The following CTPS2 variants were observed in gnomAD, a reference collection of about 807,000 sequenced individuals.
The protein encoded by CTPS2 is CTP synthase 2.
CTPS2 carries 19 observed loss-of-function variants against 46.8 expected under a neutral mutation model. That is an observed-to-expected ratio of 0.41 (90% confidence interval 0.28 to 0.60). The LOEUF (loss-of-function observed/expected upper bound fraction) is 0.60, where lower values mean the gene tolerates loss of function less well. Ranked by LOEUF, CTPS2 falls within the 20% of genes least tolerant of loss-of-function variation. The probability of loss-of-function intolerance (pLI) is 0.35; values close to 1 mark genes in which losing one functional copy is unlikely to be tolerated. For missense variants in CTPS2, 286 were observed against 447.6 expected (o/e 0.64, Z 3.26); for synonymous variants, 151 against 165.2 (o/e 0.91, Z 0.66).
intron 10 of CTPS2, among the ~76,000 whole-genome samples, chrX:16,674,567 G>A (rs1170929054): frequency 1.8e-5 from 2 of 111,100 alleles, no homozygotes; most frequent in Admixed American, 1.9e-4. Context: ...GGCCGGGCAT[G>A]GTGGCTCACA....
At chrX:16,693,573 A>C in intron 4 of CTPS2, 86 bp from the exon 5 acceptor site, 1 of 603,019 alleles carries the variant, frequency 1.7e-6, no homozygotes, top group Non-Finnish European at 2.7e-6. Flanking sequence ...TTCTTAATAA[A>C]CCGAGCATGA....
chrX:16,699,275 C>A (rs1245209969), intron 2 of CTPS2, among the ~76,000 whole-genome samples, 182 bp from the exon 3 acceptor site: 1 of 111,320 alleles, frequency 9.0e-6, no homozygotes, highest in Admixed American at 9.7e-5. Flanking sequence ...TCAGAAAATT[C>A]TATTTATAAT....
intron 13 of CTPS2, among the ~76,000 whole-genome samples, chrX:16,642,427 C>T (rs73448299): frequency 0.012 from 1,322 of 111,601 alleles, 27 homozygotes; most frequent in African/African-American, 0.041. Flanking sequence ...ACAGGCAAGT[C>T]GCTGATGGAG....
At chrX:16,643,513 A>C (rs951588321) in intron 13 of CTPS2, among the ~76,000 whole-genome samples, 6 of 111,243 alleles carry the variant, frequency 5.4e-5, no homozygotes, top group African/African-American at 2.0e-4. Context: ...GGCCTCCTCT[A>C]GTATTCTTTA....
intron 4 of CTPS2, among the ~76,000 whole-genome samples, chrX:16,694,037 A>G (rs1923914737): frequency 9.1e-6 from 1 of 109,986 alleles, no homozygotes; most frequent in Non-Finnish European, 1.9e-5. Context: ...GGTGGGGCAC[A>G]CCTGTAGTCC....
intron 13 of CTPS2, among the ~76,000 whole-genome samples, chrX:16,660,786 G>C (rs1932928471): frequency 9.0e-6 from 1 of 110,922 alleles, no homozygotes; most frequent in Non-Finnish European, 1.9e-5. Context: ...TTAGATTACA[G>C]GTGTGAGCCA....
intron 1 of CTPS2, among the ~76,000 whole-genome samples, chrX:16,711,328 T>C (rs1925450950): frequency 8.9e-6 from 1 of 111,874 alleles, no homozygotes; most frequent in Non-Finnish European, 1.9e-5. Context: ...ATCAGGTGCC[T>C]GTACTCAGAG....
rs762073043 is a variant in CTPS2, at chrX:16,645,144, G to A, written c.1297-5901C>T. Among the ~76,000 whole-genome samples the A allele has an allele frequency of 1.9e-4, 21 of 108,586 alleles. No homozygotes were observed. In the South Asian group the frequency reaches 6.7e-3, roughly 35 times the overall value. 94.3% of individuals were successfully genotyped at this position (108,586 alleles called of 115,157 possible). On this transcript the variant is annotated intron_variant, in intron 13 of 18. Transcript: ENST00000359276. The stretch of plus-strand genomic sequence containing the variant: ...ACTACAGGCGCCCGCCACCATGCCC[G>A]GCTAACTTTTTTTTTTTTTTTTGTA...
intron 1 of CTPS2, among the ~76,000 whole-genome samples, chrX:16,704,401 A>G (rs1924832150): frequency 8.9e-6 from 1 of 112,442 alleles, no homozygotes; most frequent in African/African-American, 3.2e-5. Context: ...GAAAGAAGCC[A>G]ATCTGAAAAA....
intron 13 of CTPS2, among the ~76,000 whole-genome samples, chrX:16,642,019 G>C (rs1932102842): frequency 8.9e-6 from 1 of 112,168 alleles, no homozygotes; most frequent in African/African-American, 3.2e-5. Context: ...AAGCTAAAGA[G>C]TGGTACAGAG....
chrX:16,674,675 A>G (rs1365525728), intron 10 of CTPS2, among the ~76,000 whole-genome samples: 1 of 104,993 alleles, frequency 9.5e-6, no homozygotes, highest in Non-Finnish European at 1.9e-5. Flanking sequence ...CGTCTCTACT[A>G]AAAATACAAA....
chrX:16,626,161 C>T (rs1931134474), intron 14 of CTPS2, among the ~76,000 whole-genome samples: 1 of 111,298 alleles, frequency 9.0e-6, no homozygotes, highest in Non-Finnish European at 1.9e-5. Context: ...GGGGGCAGAT[C>T]ACTTGAGGTC....
Position 16,685,837 on chromosome X carries a change from A to G in CTPS2, c.873-2611T>C, listed in dbSNP as rs759957116. 5.1e-5 allele frequency among the ~76,000 whole-genome samples: 5 copies of G among 98,264 alleles called. No individual in the cohort carries two copies. The East Asian group carries it at 1.7e-3, about 32-fold the overall frequency. 85.3% of individuals were successfully genotyped at this position (98,264 alleles called of 115,157 possible). A position where few individuals can be genotyped will look rare whatever the true frequency, so the allele number is the denominator to read the frequency against. On this transcript the variant is annotated intron_variant, in intron 8 of 18. Transcript: ENST00000359276. Reference sequence around the variant, plus strand: ...AGCTGAGATCGCACCACTGCACTCCAGCCTGGGCGACACAGCGAGACTCTG... The same window carrying G: ...AGCTGAGATCGCACCACTGCACTCCGGCCTGGGCGACACAGCGAGACTCTG...
At chrX:16,675,003 T>C (rs1290894935) in intron 10 of CTPS2, among the ~76,000 whole-genome samples, 8 of 109,579 alleles carry the variant, frequency 7.3e-5, no homozygotes, top group Non-Finnish European at 1.5e-4. Context: ...TGGTGGCTCA[T>C]GCCTGTAATC....
In CTPS2 at chrX:16,691,611, G is replaced by A; in HGVS notation, c.649C>T (p.Arg217Ter). Residue 217 changes from arginine (R) to a stop codon, truncating the protein, a stop_gained, in exon 7 of 19, where the codon CGA (arginine) becomes TGA (stop). Transcript: ENST00000359276. LOFTEE classifies it high-confidence loss of function. ...LGLSPDLIVC[R>*]SSTPIEMAVK... ...GCCATCTCAATGGGCGTTGAACTTC[G>A]GCAGACAATCTGTCAAAGCCAGTTA... 1 of 1,207,571 alleles carries A rather than the reference G, an allele frequency of 8.3e-7. No homozygotes were observed. The highest frequency in any genetic ancestry group is 1.1e-6 in the Non-Finnish European group (1 of 891,817).
At chrX:16,595,681 T>C (rs970296494) in intron 17 of CTPS2, among the ~76,000 whole-genome samples, 1 of 112,113 alleles carries the variant, frequency 8.9e-6, no homozygotes, top group African/African-American at 3.2e-5. Flanking sequence ...CATTCCTCAT[T>C]TGCACCTGTC....
At position 16,705,247 on chromosome X, in the gene CTPS2, T is replaced by A. The variant is rs141622367; in HGVS notation, c.-39-2306A>T. On this transcript the variant is annotated intron_variant, in intron 1 of 18. Coordinates refer to ENST00000359276, the MANE Select transcript of CTPS2 (RefSeq NM_175859.3). ...ATAAAAAATAAAAACTGTTTTTAAA[T>A]AAGCAATATTAAAATAATTACAACT... Among the ~76,000 whole-genome samples the A allele has an allele frequency of 7.7e-3, 866 of 112,026 alleles. 11 individuals are homozygous for A. The highest frequency in any genetic ancestry group is 0.027 in the African/African-American group (836 of 30,821).
chrX:16,603,226 C>G (rs1929767386), intron 17 of CTPS2, among the ~76,000 whole-genome samples: 1 of 110,129 alleles, frequency 9.1e-6, no homozygotes, highest in Non-Finnish European at 1.9e-5. Context: ...ACCAGCCTGG[C>G]CAAGATGGTG....
chrX:16,618,571 A>G lies in CTPS2; in HGVS notation c.1450-1325T>C, dbSNP rs149478162. 2.6e-4 allele frequency among the ~76,000 whole-genome samples: 29 copies of G among 111,793 alleles called. 1 individual carries two copies. The highest frequency in any genetic ancestry group is 7.5e-4 in the African/African-American group (23 of 30,782). Reference sequence around the variant, plus strand: ...TATATTCCATTCCAACCAGCAATGCATGAAGGTTCCAGTTACCCCACATCC... The same window carrying G: ...TATATTCCATTCCAACCAGCAATGCGTGAAGGTTCCAGTTACCCCACATCC... On this transcript the variant is annotated intron_variant, in intron 15 of 18. Coordinates refer to ENST00000359276, the MANE Select transcript of CTPS2 (RefSeq NM_175859.3).
Sources: allele counts gnomAD v4.1 joint callset (sites outside exome capture counted in the v4.1 genomes callset), GRCh38; gene constraint gnomAD v4.1.1; transcripts MANE v1.5; gene names NCBI Gene and HGNC (gene_info 2026-07-23, HGNC 2026-07-21).